The following LINGO2 variants were observed in gnomAD, a reference collection of about 807,000 sequenced individuals.
The protein encoded by LINGO2 is leucine rich repeat and Ig domain containing 2.
LINGO2 carries 14 observed loss-of-function variants against 30.6 expected under a neutral mutation model. That is an observed-to-expected ratio of 0.46 (90% CI 0.30 to 0.72). The LOEUF is 0.72. Ranked by LOEUF, LINGO2 falls within the 30% of genes least tolerant of loss-of-function variation. LINGO2 has a pLI of 0.07. For missense variants in LINGO2, 729 were observed against 751.7 expected, an observed-to-expected ratio of 0.97 and a Z score of 0.35; for synonymous variants, 317 against 288.5, an observed-to-expected ratio of 1.10 and a Z score of -1.00.
At chr9:28,311,984 TG>T (rs1300468122) in intron 3 of LINGO2, among the ~76,000 whole-genome samples, 11 of 152,180 alleles carry the variant, frequency 7.2e-5, no homozygotes, top group Admixed American at 7.2e-4. Flanking sequence ...TAAATGTCCA[TG>T]AAATCTTCAC....
the LINGO2 span, among the ~76,000 whole-genome samples, chr9:28,812,756 T>A: frequency 1.3e-5 from 2 of 152,226 alleles, no homozygotes; most frequent in Admixed American, 1.3e-4. Flanking sequence ...TTGGTTGAGA[T>A]AAAAGCAAGA....
intron 4 of LINGO2, among the ~76,000 whole-genome samples, chr9:28,185,034 G>A (rs1819494110): frequency 6.6e-6 from 1 of 152,158 alleles, no homozygotes; most frequent in African/African-American, 2.4e-5. Flanking sequence ...GGTGAAGTAG[G>A]TGATTGCTTT....
At chr9:28,076,277 C>T (rs1825620227) in intron 4 of LINGO2, among the ~76,000 whole-genome samples, 1 of 151,898 alleles carries the variant, frequency 6.6e-6, no homozygotes, top group South Asian at 2.1e-4. Context: ...CTTTTTATAC[C>T]TACTGGTTTG....
the LINGO2 span, among the ~76,000 whole-genome samples, chr9:29,195,521 C>A: frequency 6.6e-6 from 1 of 151,976 alleles, no homozygotes; most frequent in African/African-American, 2.4e-5. Context: ...TAGAAACTTT[C>A]ATACTGTTTT....
At chr9:27,938,047 CCATT>C in the LINGO2 span, 1 of 152,144 alleles carries the variant, frequency 6.6e-6, no homozygotes, top group South Asian at 2.1e-4. Context: ...TTGAAGATAT[CCATT>C]CAAACTCTTG....
chr9:28,409,620 GGTGTGTGTGTGTGTGTGT>G (rs150611305), intron 2 of LINGO2, among the ~76,000 whole-genome samples: 1 of 146,210 alleles, frequency 6.8e-6, no homozygotes, highest in African/African-American at 2.5e-5. Flanking sequence ...GATGTGCAGG[GGTGTGTGTGTGTGTGTGT>G]GTGTGTGTGT....
chr9:28,446,399 A>G (rs529975417), intron 2 of LINGO2, among the ~76,000 whole-genome samples: 26 of 152,356 alleles, frequency 1.7e-4, no homozygotes, highest in African/African-American at 6.3e-4. Context: ...AGAGGAGCAT[A>G]CTGCTAACAG....
At chr9:28,121,265 T>C (rs1371265018) in intron 4 of LINGO2, among the ~76,000 whole-genome samples, 1 of 152,222 alleles carries the variant, frequency 6.6e-6, no homozygotes, top group Non-Finnish European at 1.5e-5. Context: ...CATGGATTCC[T>C]CAGCAAATCC....
chr9:28,415,920 T>C (rs1822949824), intron 2 of LINGO2, among the ~76,000 whole-genome samples: 1 of 152,180 alleles, frequency 6.6e-6, no homozygotes, highest in African/African-American at 2.4e-5. Flanking sequence ...ATCTCTGTTA[T>C]ATTCAGAAAG....
chr9:28,893,986 G>A, the LINGO2 span, among the ~76,000 whole-genome samples: 4 of 151,360 alleles, frequency 2.6e-5, no homozygotes, highest in Non-Finnish European at 5.9e-5. Context: ...CCATCTATGA[G>A]TGAGAACATG....
the LINGO2 span, among the ~76,000 whole-genome samples, chr9:28,719,697 G>C: frequency 6.6e-6 from 1 of 151,754 alleles, no homozygotes; most frequent in Non-Finnish European, 1.5e-5. Flanking sequence ...AATCTGCTCT[G>C]CTCTGAAATC....
the LINGO2 span, among the ~76,000 whole-genome samples, chr9:28,704,195 T>TAATGTCACTGGTTATA: frequency 4.9e-3 from 745 of 151,788 alleles, 8 homozygotes; most frequent in African/African-American, 0.017. Context: ...TTTTGAAGGG[T>TAATGTCACTGGTTATA]GAATTCTAGG....
At chr9:28,173,104 T>C (rs976020330) in intron 4 of LINGO2, among the ~76,000 whole-genome samples, 1 of 152,230 alleles carries the variant, frequency 6.6e-6, no homozygotes, top group Non-Finnish European at 1.5e-5. Flanking sequence ...TCATTGATTG[T>C]AGTTTTAAAG....
the LINGO2 span, among the ~76,000 whole-genome samples, chr9:29,106,732 C>A: frequency 5.3e-5 from 8 of 152,050 alleles, no homozygotes; most frequent in African/African-American, 1.2e-4. Flanking sequence ...TGTCATATAT[C>A]CTTTATAGAC....
chr9:28,299,288 C>T (rs1403016711), intron 3 of LINGO2, among the ~76,000 whole-genome samples: 1 of 152,006 alleles, frequency 6.6e-6, no homozygotes, highest in African/African-American at 2.4e-5. Context: ...CATACTAACA[C>T]AGAGAATATA....
At chr9:28,574,504 G>A (rs2135608999) in intron 1 of LINGO2, among the ~76,000 whole-genome samples, 1 of 152,254 alleles carries the variant, frequency 6.6e-6, no homozygotes, top group Non-Finnish European at 1.5e-5. Flanking sequence ...TTCCACAGTA[G>A]CTGCTCTTTA....
the LINGO2 span, among the ~76,000 whole-genome samples, chr9:28,723,244 G>A: frequency 6.6e-6 from 1 of 152,088 alleles, no homozygotes; most frequent in African/African-American, 2.4e-5. Context: ...AGGTGACGTT[G>A]CTGTTGCTGG....
chr9:28,802,609 G>C, the LINGO2 span, among the ~76,000 whole-genome samples: 3 of 151,828 alleles, frequency 2.0e-5, no homozygotes, highest in Non-Finnish European at 2.9e-5. Context: ...GAAACTATTG[G>C]CAATTAGGAA....
intron 4 of LINGO2, among the ~76,000 whole-genome samples, chr9:28,222,315 T>C (rs1820994350): frequency 6.6e-6 from 1 of 152,206 alleles, no homozygotes; most frequent in Non-Finnish European, 1.5e-5. Flanking sequence ...TGAAAATAAA[T>C]GGCATTTTCA....
Sources: gnomAD v4.1 joint callset for allele counts (sites outside exome capture counted in the v4.1 genomes callset) on GRCh38, gnomAD v4.1.1 for gene constraint, MANE v1.5 for transcripts, NCBI Gene and HGNC (gene_info 2026-07-23, HGNC 2026-07-21) for gene names.